Variants in PPTC7 observed in about 807,000 individuals in gnomAD.
PPTC7 encodes protein phosphatase PTC7 homolog.
PPTC7 carries 6 observed loss-of-function variants against 30.8 expected under a neutral mutation model. That is an observed-to-expected ratio of 0.19 (90% confidence interval 0.11 to 0.38). The LOEUF is 0.38. Among genes scored for constraint, PPTC7 ranks in the 10% least tolerant of loss-of-function variants. PPTC7 has a pLI of 1.00. For synonymous variants in PPTC7, 163 were observed against 168.1 expected, an observed-to-expected ratio of 0.97 and a Z score of 0.23; for missense variants, 218 against 404.8, an observed-to-expected ratio of 0.54 and a Z score of 3.96.
chr12:110,574,464 C>T (rs2064570173), intron 1 of PPTC7, among the ~76,000 whole-genome samples: 1 of 152,050 alleles, frequency 6.6e-6, no homozygotes, highest in Non-Finnish European at 1.5e-5. Context: ...CATTTTTACT[C>T]CTTAAAGAAA....
At position 110,582,840 on chromosome 12, in the gene PPTC7, G is replaced by A. The variant is rs534159826; in HGVS notation, c.192C>T (p.Phe64=). The change falls in exon 1 of 6, where the codon TTC becomes TTT. Residue 64 remains phenylalanine, a synonymous_variant. Coordinates refer to ENST00000354300, the MANE Select transcript of PPTC7 (RefSeq NM_139283.2). Reference sequence around the variant, plus strand: ...CGTCCGCGGAACGGTGCCGGGCCACGAAGCACGCGTCGTCCCCGTAGCACG... The same window carrying A: ...CGTCCGCGGAACGGTGCCGGGCCACAAAGCACGCGTCGTCCCCGTAGCACG... ...KGACYGDDAC[F]VARHRSADVL... 1.2e-5 allele frequency: 18 copies of A among 1,563,546 alleles called. No individual in the cohort carries two copies. The African/African-American group carries it at 2.2e-4, about 19-fold the overall frequency.
intron 3 of PPTC7, among the ~76,000 whole-genome samples, chr12:110,544,385 G>C (rs181823305): frequency 6.6e-6 from 1 of 152,180 alleles, no homozygotes; most frequent in East Asian, 1.9e-4. Flanking sequence ...TTTTACAAAA[G>C]GTTCATTGTC....
chr12:110,571,515 C>A (rs945288431), intron 1 of PPTC7, among the ~76,000 whole-genome samples: 4 of 152,108 alleles, frequency 2.6e-5, no homozygotes, highest in Non-Finnish European at 5.9e-5. Flanking sequence ...AGGAAAAAAT[C>A]CCAGATGTAG....
intron 1 of PPTC7, among the ~76,000 whole-genome samples, chr12:110,556,717 T>C (rs2064390245): frequency 6.6e-6 from 1 of 152,162 alleles, no homozygotes; most frequent in African/African-American, 2.4e-5. Context: ...ACCACCACAT[T>C]GTGCATGCTG....
intron 1 of PPTC7, among the ~76,000 whole-genome samples, chr12:110,574,435 G>GA (rs932570905): frequency 5.4e-5 from 8 of 147,860 alleles, no homozygotes; most frequent in East Asian, 2.0e-4. Flanking sequence ...AACTGGCTTA[G>GA]AAAAAAAAAA....
chr12:110,559,596 C>T (rs1445321409), intron 1 of PPTC7, among the ~76,000 whole-genome samples: 8 of 151,218 alleles, frequency 5.3e-5, no homozygotes, highest in Admixed American at 2.0e-4. Flanking sequence ...TGTGGTGGTG[C>T]GTGCCTGTAA....
intron 2 of PPTC7, 68 bp downstream of exon 2, chr12:110,551,721 T>C: frequency 7.2e-7 from 1 of 1,398,128 alleles, no homozygotes. Context: ...GATAAATGAT[T>C]TTCTTGGTTT....
intron 1 of PPTC7, 44 bp from the exon 2 acceptor site, chr12:110,552,012 A>G (rs1377227875): frequency 1.3e-6 from 2 of 1,519,338 alleles, no homozygotes; most frequent in Admixed American, 1.8e-5. Context: ...AATCTTACCA[A>G]CTTCTCAGGA....
chr12:110,546,927 G>A lies in PPTC7; in HGVS notation c.404-849C>T, dbSNP rs145593156. ...CGCTTTTCACCTATTAGTTTAACAC[G>A]AGTCAAAAGAAGATAATGCATATTG... On this transcript the variant is annotated intron_variant, in intron 2 of 5. Coordinates refer to ENST00000354300, the MANE Select transcript of PPTC7 (RefSeq NM_139283.2). Among the ~76,000 whole-genome samples, 1,057 of 152,260 alleles carry A rather than the reference G, an allele frequency of 6.9e-3. 1 individual carries two copies. The highest frequency in any genetic ancestry group is 9.5e-3 in the Non-Finnish European group (644 of 68,020).
intron 1 of PPTC7, among the ~76,000 whole-genome samples, chr12:110,560,397 G>A (rs1418279836): frequency 1.4e-5 from 2 of 147,710 alleles, no homozygotes; most frequent in East Asian, 4.0e-4. Context: ...GCGAGACCCT[G>A]TCTCAAAAAA....
Position 110,536,928 on chromosome 12 carries a change from CT to C in PPTC7, c.*108del. The C allele has an allele frequency of 1.3e-6, 1 of 776,738 alleles. No individual in the cohort carries two copies. The highest frequency in any genetic ancestry group is 2.3e-6 in the Non-Finnish European group (1 of 443,818). The allele number at this position is 776,738 out of a possible 1,614,324, so 48.1% of individuals were successfully genotyped here. On this transcript the variant is annotated 3_prime_UTR_variant, in exon 6 of 6. Coordinates refer to ENST00000354300, the MANE Select transcript of PPTC7 (RefSeq NM_139283.2). Reference sequence around the variant, plus strand: ...GAAGACAGGCAAAAGACTTACATCACTGGCCATTGAGATCAGTGGCAAAGAA... The same window carrying C: ...GAAGACAGGCAAAAGACTTACATCACGGCCATTGAGATCAGTGGCAAAGAA...
rs1322835661 is a variant in PPTC7, at chr12:110,535,605, T to G, written c.*1432A>C. Reference sequence around the variant, plus strand: ...AGACTTTCTATATTCTCAAGTAGATTCTCATCAGGTTTAATTGCATTCTCA... The same window carrying G: ...AGACTTTCTATATTCTCAAGTAGATGCTCATCAGGTTTAATTGCATTCTCA... On this transcript the variant is annotated 3_prime_UTR_variant, in exon 6 of 6. Coordinates refer to ENST00000354300, the MANE Select transcript of PPTC7 (RefSeq NM_139283.2). The G allele has an allele frequency of 6.6e-6, 1 of 152,566 alleles. No homozygotes were observed. The highest frequency in any genetic ancestry group is 1.5e-5 in the Non-Finnish European group (1 of 68,026). 9.5% of individuals were successfully genotyped at this position (152,566 alleles called of 1,614,324 possible).
At chr12:110,579,563 T>C (rs1473855348) in intron 1 of PPTC7, among the ~76,000 whole-genome samples, 1 of 152,132 alleles carries the variant, frequency 6.6e-6, no homozygotes, top group Non-Finnish European at 1.5e-5. Context: ...CAAAATTTTA[T>C]CTCTGTGCAC....
rs2064194555 is a variant in PPTC7 at position 110,533,848 on chromosome 12, T to C, written c.*3189A>G. The C allele has an allele frequency of 6.6e-6, 1 of 152,188 alleles. No homozygotes were observed. Among genetic ancestry groups the C allele is most frequent in the Non-Finnish European group, 1.5e-5 (1 of 68,038 alleles). The allele number at this position is 152,188 out of a possible 1,614,324, so 9.4% of individuals were successfully genotyped here. Reference sequence around the variant, plus strand: ...TATGGTGGGCTAATGGTACTGAAGGTGGTTTCCATCTCCGGGCTACTGTCC... The same window carrying C: ...TATGGTGGGCTAATGGTACTGAAGGCGGTTTCCATCTCCGGGCTACTGTCC... On this transcript the variant is annotated 3_prime_UTR_variant, in exon 6 of 6. Coordinates refer to ENST00000354300, the MANE Select transcript of PPTC7 (RefSeq NM_139283.2).
intron 3 of PPTC7, among the ~76,000 whole-genome samples, chr12:110,541,901 T>A (rs1169208039): frequency 6.6e-6 from 1 of 151,934 alleles, no homozygotes; most frequent in Non-Finnish European, 1.5e-5. Flanking sequence ...ATCCCAGCAC[T>A]TTGGGAAGCC....
In PPTC7 at chr12:110,551,865, C is replaced by T; in HGVS notation, c.327G>A (p.Arg109=). 1 of 1,614,164 alleles carries T rather than the reference C, an allele frequency of 6.2e-7. No individual in the cohort carries two copies. Among genetic ancestry groups the T allele is most frequent in the Non-Finnish European group, 8.5e-7 (1 of 1,179,994 alleles). Residue 109 remains arginine (R), a synonymous_variant, in exon 2 of 6, where the codon CGG becomes CGA. Transcript: ENST00000354300. ...RTCERLVKEG[R]FVPSNPIGIL... Reference sequence around the variant, plus strand: ...TTCCAATGGGATTACTAGGTACGAACCGTCCTTCTTTTACTAAACGTTCAC... The same window carrying T: ...TTCCAATGGGATTACTAGGTACGAATCGTCCTTCTTTTACTAAACGTTCAC...
Position 110,545,877 on chromosome 12 carries a change from T to C in PPTC7, c.602+3A>G. On this transcript the variant is annotated splice_donor_region_variant and intron_variant, in intron 3 of 5. Transcript: ENST00000354300. The stretch of plus-strand genomic sequence containing the variant: ...ACACTTAATGGCTGAGAGGGGAGAT[T>C]ACCTGTCGCTCAAGACGACTCCCTC... 6.2e-7 allele frequency: 1 copy of C among 1,613,064 alleles called. No homozygotes were observed. Among genetic ancestry groups the C allele is most frequent in the Non-Finnish European group, 8.5e-7 (1 of 1,179,968 alleles).
At chr12:110,576,321 T>C (rs2064588632) in intron 1 of PPTC7, among the ~76,000 whole-genome samples, 1 of 152,056 alleles carries the variant, frequency 6.6e-6, no homozygotes. Flanking sequence ...AAAACAGCTA[T>C]ATTCCTCACA....
intron 1 of PPTC7, among the ~76,000 whole-genome samples, chr12:110,571,172 A>T (rs1474236440): frequency 6.6e-5 from 10 of 152,190 alleles, no homozygotes; most frequent in Non-Finnish European, 1.2e-4. Flanking sequence ...AAGTAAAATT[A>T]AAAGTAAATA....
Sources: allele counts gnomAD v4.1 joint callset (sites outside exome capture counted in the v4.1 genomes callset), GRCh38; gene constraint gnomAD v4.1.1; transcripts MANE v1.5; gene names NCBI Gene and HGNC (gene_info 2026-07-23, HGNC 2026-07-21).